MYO18B: variants seen among roughly 807,000 people sequenced by gnomAD.
MYO18B encodes myosin XVIIIB.
A neutral mutation model predicts 273.0 loss-of-function variants in MYO18B; 204 were observed. That is an observed-to-expected ratio of 0.75 (90% confidence interval 0.67 to 0.84). The LOEUF is 0.84. MYO18B is among the 40% of genes least tolerant of loss of function. MYO18B has a pLI of 0.00. For synonymous variants in MYO18B, 1,330 were observed against 1,305.7 expected (o/e 1.02, Z -0.40); for missense variants, 3,212 against 3,287.6 (o/e 0.98, Z 0.56).
At chr22:26,036,567 G>A in the MYO18B span, among the ~76,000 whole-genome samples, 3 of 152,088 alleles carry the variant, frequency 2.0e-5, no homozygotes, top group Admixed American at 6.5e-5. Flanking sequence ...CATTCTCATA[G>A]TTCAGGCCTA....
chr22:25,784,673 G>C (rs1284921981), intron 10 of MYO18B, among the ~76,000 whole-genome samples: 1 of 152,170 alleles, frequency 6.6e-6, no homozygotes, highest in Non-Finnish European at 1.5e-5. Flanking sequence ...TCCTAGGCTG[G>C]GCTCTACAAT....
rs5761268 is a variant in MYO18B at position 25,843,883 on chromosome 22, C to G, written c.3357C>G (p.His1119Gln). 2.5e-6 allele frequency: 4 copies of G among 1,607,898 alleles called. No individual in the cohort carries two copies. ...CCCTGGATGCACCCCAGGTCCTGCA[C>G]CAGTCAAAAAGGTGAGTTGGGTCAG... The part of the protein sequence containing the change: ...LSALDAPQVL[H>Q]QSKREELRSL... Residue 1119 changes from histidine (H) to glutamine (Q), a missense_variant, in exon 18 of 44, where the codon CAC becomes CAG. Coordinates refer to ENST00000335473, the MANE Select transcript of MYO18B (RefSeq NM_032608.7).
chr22:25,829,847 T>A (rs1193848427), intron 15 of MYO18B, among the ~76,000 whole-genome samples: 1 of 150,984 alleles, frequency 6.6e-6, no homozygotes, highest in Non-Finnish European at 1.5e-5. Flanking sequence ...CAAAAAATAA[T>A]AATAATAATA....
intron 33 of MYO18B, among the ~76,000 whole-genome samples, chr22:25,911,716 C>T (rs893219910): frequency 5.9e-5 from 9 of 152,180 alleles, no homozygotes; most frequent in Admixed American, 1.3e-4. Flanking sequence ...TCAGTTGTGA[C>T]GACCAAAAAT....
intron 12 of MYO18B, among the ~76,000 whole-genome samples, chr22:25,802,566 C>T (rs891289273): frequency 2.0e-5 from 3 of 151,798 alleles, no homozygotes; most frequent in Admixed American, 1.3e-4. Flanking sequence ...CTGGCTGATA[C>T]AGGAAACCTC....
chr22:25,900,291 TTA>T (rs1203951841), intron 29 of MYO18B: 2 of 152,236 alleles, frequency 1.3e-5, no homozygotes, highest in East Asian at 3.8e-4. Flanking sequence ...GATTAGCATT[TTA>T]TGTCTCAGTC....
chr22:25,746,188 G>A (rs2085773148), intron 1 of MYO18B, among the ~76,000 whole-genome samples: 4 of 152,158 alleles, frequency 2.6e-5, no homozygotes, highest in Non-Finnish European at 1.5e-5. Flanking sequence ...GATGATCAAG[G>A]CAGGTAGTGA....
In MYO18B at chr22:25,843,767, C is replaced by T. The variant is rs368601288; in HGVS notation, c.3241C>T (p.Leu1081Phe). The change falls in exon 18 of 44, where the codon CTC becomes TTC. Residue 1081 changes from leucine (L) to phenylalanine (F), a missense_variant. Leu to Phe is a conservative substitution (Grantham distance 22). Coordinates refer to ENST00000335473, the MANE Select transcript of MYO18B (RefSeq NM_032608.7). ...SSALRTCEQP[L>F]QCEIFHQLGW... Reference sequence around the variant, plus strand: ...TGCCCTGCGGACCTGTGAGCAGCCCCTCCAGTGTGAGATTTTCCACCAGTT... The same window carrying T: ...TGCCCTGCGGACCTGTGAGCAGCCCTTCCAGTGTGAGATTTTCCACCAGTT... The T allele has an allele frequency of 6.2e-7, 1 of 1,613,906 alleles. No homozygotes were observed. The highest frequency in any genetic ancestry group is 8.5e-7 in the Non-Finnish European group (1 of 1,179,794).
intron 36 of MYO18B, among the ~76,000 whole-genome samples, chr22:25,949,608 A>T (rs2092768131): frequency 6.6e-6 from 1 of 152,220 alleles, no homozygotes; most frequent in Non-Finnish European, 1.5e-5. Context: ...GACAAGGAAT[A>T]ATAATAACAA....
Position 25,895,959 on chromosome 22 carries a change from G to A in MYO18B, c.4668+679G>A, listed in dbSNP as rs117967412. Reference sequence around the variant, plus strand: ...TTTTCCGCTCCCAGTGAATTTTTGTGTGTGTATTTAGCTATTTTTTATTGT... The same window carrying A: ...TTTTCCGCTCCCAGTGAATTTTTGTATGTGTATTTAGCTATTTTTTATTGT... On this transcript the variant is annotated intron_variant, in intron 28 of 43. Transcript: ENST00000335473. 3.9e-3 allele frequency among the ~76,000 whole-genome samples: 587 copies of A among 151,154 alleles called. 12 individuals are homozygous for A. Among genetic ancestry groups the A allele is most frequent in the East Asian group, 0.018 (91 of 5,160 alleles).
At chr22:25,888,147 A>G (rs539733388) in intron 25 of MYO18B, among the ~76,000 whole-genome samples, 1 of 152,342 alleles carries the variant, frequency 6.6e-6, no homozygotes, top group East Asian at 1.9e-4. Flanking sequence ...TTTCTATGGC[A>G]GTAATTCCTA....
chr22:26,038,368 G>A, the MYO18B span, among the ~76,000 whole-genome samples: 110 of 152,280 alleles, frequency 7.2e-4, no homozygotes, highest in African/African-American at 2.5e-3. Flanking sequence ...TAGCCTCTCT[G>A]TGCCTCTGTT....
chr22:25,784,897 A>G (rs2087315105), intron 10 of MYO18B, among the ~76,000 whole-genome samples: 1 of 152,206 alleles, frequency 6.6e-6, no homozygotes, highest in Admixed American at 6.5e-5. Context: ...ACGTGGCAGG[A>G]TAGCGCGGAG....
At chr22:25,772,243 T>C in intron 6 of MYO18B, 91 bp from the exon 7 acceptor site, 1 of 1,214,704 alleles carries the variant, frequency 8.2e-7, no homozygotes, top group Non-Finnish European at 1.2e-6. Flanking sequence ...AGAGGAGGGC[T>C]TAGTGTGTGT....
Position 26,026,611 on chromosome 22 carries a change from G to T in MYO18B, c.6637G>T (p.Val2213Phe), listed in dbSNP as rs560154518. ...TTTTGGGGACGGCGAAGTGCTTGCCGTCCAGAGAAAGTCCACAGAGAGATT... is the reference window on the plus strand; with the variant it reads ...TTTTGGGGACGGCGAAGTGCTTGCCTTCCAGAGAAAGTCCACAGAGAGATT... ...CHFGDGEVLA[V>F]QRKSTERLEP... Residue 2213 changes from valine (V) to phenylalanine (F), a missense_variant, in exon 43 of 44, where the codon GTC becomes TTC. Transcript: ENST00000335473. The T allele has an allele frequency of 3.1e-6, 5 of 1,613,692 alleles. No homozygotes were observed. The South Asian group carries it at 5.5e-5, about 18-fold the overall frequency.
At chr22:25,951,305 T>C (rs1601667534) in intron 37 of MYO18B, among the ~76,000 whole-genome samples, 1 of 152,378 alleles carries the variant, frequency 6.6e-6, no homozygotes, top group East Asian at 1.9e-4. Context: ...CTTTGGCTCC[T>C]GGAAACTGTT....
chr22:25,974,057 A>G (rs1458572306), intron 39 of MYO18B, among the ~76,000 whole-genome samples: 1 of 152,174 alleles, frequency 6.6e-6, no homozygotes, highest in Non-Finnish European at 1.5e-5. Flanking sequence ...CATTTTTTCC[A>G]CAAGGTACCA....
intron 10 of MYO18B, among the ~76,000 whole-genome samples, chr22:25,784,531 G>C (rs968353250): frequency 6.6e-6 from 1 of 152,254 alleles, no homozygotes; most frequent in Admixed American, 6.5e-5. Flanking sequence ...TCACGAGGCA[G>C]AGAGGGGTGT....
At chr22:25,764,618 A>G (rs1373075348) in intron 3 of MYO18B, among the ~76,000 whole-genome samples, 2 of 152,224 alleles carry the variant, frequency 1.3e-5, no homozygotes, top group Non-Finnish European at 2.9e-5. Context: ...GCAACTGAAC[A>G]GTAGCAGCTG....
Sources: allele counts gnomAD v4.1 joint callset (sites outside exome capture counted in the v4.1 genomes callset), GRCh38; gene constraint gnomAD v4.1.1; transcripts MANE v1.5; gene names NCBI Gene and HGNC (gene_info 2026-07-23, HGNC 2026-07-21).